TCF12: variants seen among roughly 807,000 people sequenced by gnomAD.
TCF12 encodes DNA-binding protein HTF4.
A neutral mutation model predicts 86.0 loss-of-function variants in TCF12; 45 were observed. That is an observed-to-expected ratio of 0.52 (90% CI 0.41 to 0.67). The LOEUF (loss-of-function observed/expected upper bound fraction) is 0.67. Among genes scored for constraint, TCF12 ranks in the 30% least tolerant of loss-of-function variants. The pLI is 0.00. For missense variants in TCF12, 881 were observed against 859.9 expected, an observed-to-expected ratio of 1.02 and a Z score of -0.31; for synonymous variants, 330 against 299.6, an observed-to-expected ratio of 1.10 and a Z score of -1.05.
chr15:56,988,252 T>C lies in TCF12; in HGVS notation c.148+67154T>C, dbSNP rs765493560. Among the ~76,000 whole-genome samples, 31 of 152,196 alleles carry C rather than the reference T, an allele frequency of 2.0e-4. 1 individual carries two copies. Among genetic ancestry groups the C allele is most frequent in the Non-Finnish European group, 3.7e-4 (25 of 68,008 alleles). ...AGGTGATTTGGTCATATGAACTTCA[T>C]AGATTGTACTTACATAAACCTAGGG... is the stretch of plus-strand genomic sequence containing the variant. On this transcript the variant is annotated intron_variant, in intron 3 of 20. Coordinates refer to ENST00000333725, the MANE Select transcript of TCF12 (RefSeq NM_207037.2).
intron 16 of TCF12, among the ~76,000 whole-genome samples, chr15:57,261,606 C>G (rs1024791580): frequency 3.3e-5 from 5 of 152,100 alleles, no homozygotes; most frequent in Non-Finnish European, 7.4e-5. Context: ...CTAATAAAAA[C>G]TTCATCCGTA....
At chr15:57,178,475 G>A (rs1291952507) in intron 6 of TCF12, among the ~76,000 whole-genome samples, 5 of 152,168 alleles carry the variant, frequency 3.3e-5, no homozygotes, top group Admixed American at 6.5e-5. Context: ...GTTAAAGCTA[G>A]TATTAAAGAG....
intron 8 of TCF12, among the ~76,000 whole-genome samples, chr15:57,221,538 G>GGA (rs2058597199): frequency 1.3e-5 from 2 of 151,858 alleles, no homozygotes; most frequent in Non-Finnish European, 2.9e-5. Flanking sequence ...TTCTACATTG[G>GGA]GAGGGGGGTA....
chr15:57,227,876 C>A (rs2151904754), intron 8 of TCF12, among the ~76,000 whole-genome samples: 1 of 152,108 alleles, frequency 6.6e-6, no homozygotes, highest in African/African-American at 2.4e-5. Flanking sequence ...TTTTTCTATT[C>A]TCTTTAAAAT....
chr15:57,223,862 C>T (rs2058743338), intron 8 of TCF12, among the ~76,000 whole-genome samples: 1 of 151,676 alleles, frequency 6.6e-6, no homozygotes, highest in Non-Finnish European at 1.5e-5. Context: ...TTCACATTTC[C>T]AGACTGTCCA....
chr15:57,167,758 G>T (rs2055009666), intron 6 of TCF12, among the ~76,000 whole-genome samples: 2 of 152,150 alleles, frequency 1.3e-5, no homozygotes, highest in South Asian at 4.1e-4. Context: ...CCAACACTCA[G>T]ATTTCTTGGC....
chr15:57,267,644 G>A (rs917302790), intron 18 of TCF12, among the ~76,000 whole-genome samples: 3 of 152,068 alleles, frequency 2.0e-5, no homozygotes, highest in South Asian at 2.1e-4. Flanking sequence ...AATGGGTATC[G>A]CTGTTCCAAT....
intron 3 of TCF12, among the ~76,000 whole-genome samples, chr15:56,995,231 C>CTTTTTATTTTTTTTTTT (rs2063645993): frequency 3.3e-5 from 1 of 30,282 alleles, no homozygotes; most frequent in Non-Finnish European, 6.2e-5. Context: ...ATACCTGCAG[C>CTTTTTATTTTTTTTTTT]TTTTTTTTTT....
chr15:57,120,520 G>A (rs1174159771), intron 5 of TCF12, among the ~76,000 whole-genome samples: 2 of 152,176 alleles, frequency 1.3e-5, no homozygotes, highest in African/African-American at 4.8e-5. Context: ...TTCTGTGTAT[G>A]TTTTGGCTTT....
chr15:57,029,473 T>C (rs2066017591), intron 3 of TCF12, among the ~76,000 whole-genome samples: 1 of 152,238 alleles, frequency 6.6e-6, no homozygotes, highest in Non-Finnish European at 1.5e-5. Flanking sequence ...TGATTGGAAT[T>C]ACATCGATTA....
chr15:57,170,744 AT>A (rs1428597766), intron 6 of TCF12, among the ~76,000 whole-genome samples: 15 of 35,608 alleles, frequency 4.2e-4, no homozygotes, highest in Admixed American at 1.1e-3. Flanking sequence ...TATAATATAT[AT>A]TATATATTAT....
At chr15:57,021,712 G>A (rs1486785032) in intron 3 of TCF12, among the ~76,000 whole-genome samples, 2 of 151,476 alleles carry the variant, frequency 1.3e-5, no homozygotes, top group African/African-American at 4.9e-5. Flanking sequence ...GAACAACATG[G>A]GTTTGAACTG....
chr15:57,132,905 T>C (rs552596596), intron 5 of TCF12, among the ~76,000 whole-genome samples: 1 of 152,320 alleles, frequency 6.6e-6, no homozygotes, highest in South Asian at 2.1e-4. Context: ...ATTTATCTTC[T>C]CTTGTAATTA....
At chr15:57,023,992 G>C (rs1258848214) in intron 3 of TCF12, among the ~76,000 whole-genome samples, 1 of 152,092 alleles carries the variant, frequency 6.6e-6, no homozygotes, top group Non-Finnish European at 1.5e-5. Context: ...GATCTGACAG[G>C]AGGTGGAGCT....
intron 5 of TCF12, among the ~76,000 whole-genome samples, chr15:57,143,694 A>G (rs1308525149): frequency 6.6e-6 from 1 of 152,242 alleles, no homozygotes; most frequent in Non-Finnish European, 1.5e-5. Context: ...TTGCCTATAC[A>G]CATGAGTGTA....
intron 4 of TCF12, among the ~76,000 whole-genome samples, chr15:57,089,166 T>C (rs2048831835): frequency 6.6e-6 from 1 of 152,240 alleles, no homozygotes; most frequent in Non-Finnish European, 1.5e-5. Context: ...AGAACTATTA[T>C]TCCTTTCTTG....
intron 6 of TCF12, among the ~76,000 whole-genome samples, chr15:57,171,676 A>T (rs564424939): frequency 2.0e-4 from 30 of 152,322 alleles, no homozygotes; most frequent in Non-Finnish European, 3.4e-4. Context: ...ATCATATTAC[A>T]TTCACAACAA....
chr15:57,142,279 T>TTA (rs1441672440), intron 5 of TCF12, among the ~76,000 whole-genome samples: 2 of 146,484 alleles, frequency 1.4e-5, no homozygotes, highest in African/African-American at 5.0e-5. Context: ...TGGGAATTGA[T>TTA]TATATCAGTA....
rs560693551 is a variant in TCF12 at position 57,211,828 on chromosome 15, C to A, written c.579+14003C>A. On this transcript the variant is annotated intron_variant, in intron 8 of 20. Coordinates refer to ENST00000333725, the MANE Select transcript of TCF12 (RefSeq NM_207037.2). ...ACTTAGCAGGGTGTGGTAGCACACG[C>A]CTGTAATCCCAGCTACTCTGGAGGC... Among the ~76,000 whole-genome samples, 8 of 152,294 alleles carry A rather than the reference C, an allele frequency of 5.3e-5. No homozygotes were observed. The East Asian group carries it at 1.5e-3, about 29-fold the overall frequency.
Sources: gnomAD v4.1 joint callset for allele counts (sites outside exome capture counted in the v4.1 genomes callset) on GRCh38, gnomAD v4.1.1 for gene constraint, MANE v1.5 for transcripts, NCBI Gene and HGNC (gene_info 2026-07-23, HGNC 2026-07-21) for gene names.